The following DARS1 variants were observed in gnomAD, a reference collection of about 807,000 sequenced individuals.
The protein encoded by DARS1 is aspartyl-tRNA synthetase 1.
Under a neutral mutation model 68.8 loss-of-function variants are expected in DARS1, and 51 were observed. The ratio of observed to expected loss-of-function variants is 0.74; its 90% CI spans 0.59 to 0.94. The LOEUF (loss-of-function observed/expected upper bound fraction) is 0.94, where lower values mean the gene tolerates loss of function less well. Among genes scored for constraint, DARS1 ranks in the 40% least tolerant of loss-of-function variants. The pLI, the probability that DARS1 is intolerant of heterozygous loss-of-function variation, is 0.00. For synonymous variants in DARS1, 203 were observed against 190.4 expected (o/e 1.07, Z -0.55); for missense variants, 607 against 597.3 (o/e 1.02, Z -0.17).
intron 7 of DARS1, among the ~76,000 whole-genome samples, chr2:135,932,264 ACT>A (rs1226497438): frequency 6.6e-6 from 1 of 152,142 alleles, no homozygotes; most frequent in East Asian, 1.9e-4. Context: ...AAACCACTAA[ACT>A]CTCTTTCACT....
intron 7 of DARS1, among the ~76,000 whole-genome samples, chr2:135,925,468 AG>A (rs969778022): frequency 6.6e-6 from 1 of 152,218 alleles, no homozygotes; most frequent in African/African-American, 2.4e-5. Context: ...TTTACACAGT[AG>A]TACCCTGTGA....
intron 11 of DARS1, 114 bp downstream of exon 11, chr2:135,916,112 C>T (rs186601556): frequency 1.5e-4 from 73 of 491,184 alleles, no homozygotes; most frequent in African/African-American, 1.2e-3. Context: ...ACTTGGAGGA[C>T]GGGTCAATAG....
chr2:135,946,612 CCT>C (rs1681728900), intron 4 of DARS1, among the ~76,000 whole-genome samples: 1 of 151,944 alleles, frequency 6.6e-6, no homozygotes, highest in Non-Finnish European at 1.5e-5. Context: ...AATCATAAAC[CCT>C]GAGAAATGGC....
intron 15 of DARS1, 49 bp downstream of exon 15, chr2:135,911,087 GTAT>G (rs1680886091): frequency 1.3e-6 from 1 of 797,828 alleles, no homozygotes; most frequent in Non-Finnish European, 2.1e-6. Context: ...ATTCAAATTT[GTAT>G]TATACTTAGA....
At chr2:135,975,559 C>T (rs1352736129) in intron 3 of DARS1, among the ~76,000 whole-genome samples, 10 of 151,720 alleles carry the variant, frequency 6.6e-5, no homozygotes, top group Middle Eastern at 3.2e-3. Flanking sequence ...TTTGGGAGGT[C>T]GAGGTAGGCA....
intron 5 of DARS1, among the ~76,000 whole-genome samples, chr2:135,939,323 T>A (rs567560483): frequency 6.6e-6 from 1 of 152,310 alleles, no homozygotes; most frequent in African/African-American, 2.4e-5. Flanking sequence ...CAGACCACAC[T>A]GCAATCAAAC....
chr2:135,982,947 G>A (rs1682670152), intron 2 of DARS1, among the ~76,000 whole-genome samples: 1 of 152,122 alleles, frequency 6.6e-6, no homozygotes, highest in Admixed American at 6.5e-5. Context: ...AAATGTTTGG[G>A]AAGAGTCAAG....
At position 135,911,519 on chromosome 2, in the gene DARS1, C is replaced by T. The variant is rs374937936; in HGVS notation, c.1231-26G>A. 1.9e-5 allele frequency: 16 copies of T among 831,934 alleles called. No individual in the cohort carries two copies. The African/African-American group carries it at 2.7e-4, about 14-fold the overall frequency. The allele number at this position is 831,934 out of a possible 1,614,324, so 51.5% of individuals were successfully genotyped here. A position where few individuals can be genotyped will look rare whatever the true frequency, so the allele number is the denominator to read the frequency against. On this transcript the variant is annotated intron_variant, in intron 13 of 15. Transcript: ENST00000264161. Reference sequence around the variant, plus strand: ...CTGCAAGAGAAAAAACACCAGTCCTCAAGTGACTACCATCCTATTTCTATT... The same window carrying T: ...CTGCAAGAGAAAAAACACCAGTCCTTAAGTGACTACCATCCTATTTCTATT...
chr2:135,953,281 G>A lies in DARS1; in HGVS notation c.320+8115C>T, dbSNP rs552949369. Among the ~76,000 whole-genome samples the A allele has an allele frequency of 7.2e-4, 110 of 152,304 alleles. 3 individuals are homozygous for A. The highest frequency in any genetic ancestry group is 2.2e-3 in the African/African-American group (93 of 41,560). On this transcript the variant is annotated intron_variant, in intron 4 of 15. Coordinates refer to ENST00000264161, the MANE Select transcript of DARS1 (RefSeq NM_001349.4). ...AGTTGGTACAAGTGTCTAACAAAGC[G>A]CCTGCAATTAGATGTGTTAAGGAAC... is the stretch of plus-strand genomic sequence containing the variant.
intron 7 of DARS1, among the ~76,000 whole-genome samples, chr2:135,929,908 G>A (rs1681306101): frequency 6.6e-6 from 1 of 152,144 alleles, no homozygotes; most frequent in Admixed American, 6.5e-5. Context: ...GCTACTTTAA[G>A]CTCATCAAGA....
intron 4 of DARS1, among the ~76,000 whole-genome samples, chr2:135,954,411 A>G (rs980524193): frequency 6.6e-6 from 1 of 151,688 alleles, no homozygotes; most frequent in Non-Finnish European, 1.5e-5. Flanking sequence ...CAGTATTTAC[A>G]CCTCATGGGG....
intron 4 of DARS1, among the ~76,000 whole-genome samples, chr2:135,960,877 A>T (rs1002515151): frequency 6.6e-6 from 1 of 152,224 alleles, no homozygotes; most frequent in Non-Finnish European, 1.5e-5. Flanking sequence ...AGGAGGAAAA[A>T]GCAAGTTTTA....
intron 8 of DARS1, 26 bp from the exon 9 acceptor site, chr2:135,922,944 A>G: frequency 1.3e-6 from 2 of 1,483,620 alleles, no homozygotes; most frequent in Non-Finnish European, 1.8e-6. Flanking sequence ...TTATATTTAT[A>G]TTATTATAAT....
chr2:135,951,657 A>C lies in DARS1; in HGVS notation c.321-8177T>G, dbSNP rs117448010. Among the ~76,000 whole-genome samples, 91 of 152,316 alleles carry C rather than the reference A, an allele frequency of 6.0e-4. No individual in the cohort carries two copies. In the East Asian group the frequency reaches 0.015, roughly 26 times the overall value. The stretch of plus-strand genomic sequence containing the variant: ...GAACACTCGGTCAATGCAGACAACA[A>C]CACTTGGGTGCACTCGGCCATGCAG... On this transcript the variant is annotated intron_variant, in intron 4 of 15. Coordinates refer to ENST00000264161, the MANE Select transcript of DARS1 (RefSeq NM_001349.4).
intron 7 of DARS1, among the ~76,000 whole-genome samples, chr2:135,927,025 AT>A (rs1681233381): frequency 2.0e-5 from 3 of 152,188 alleles, no homozygotes; most frequent in Admixed American, 6.5e-5. Flanking sequence ...TGGTAATGGT[AT>A]TTTTTCTTCT....
At position 135,983,340 on chromosome 2, in the gene DARS1, A is replaced by T; in HGVS notation, c.124+57T>A. ...CAACCTTACTTAAAATTTCATTTAG[A>T]GCTTTCCTGGAATTAGAAAGCAAAA... On this transcript the variant is annotated intron_variant, in intron 2 of 15. Coordinates refer to ENST00000264161, the MANE Select transcript of DARS1 (RefSeq NM_001349.4). 3 of 786,110 alleles carry T rather than the reference A, an allele frequency of 3.8e-6. 1 individual carries two copies. The highest frequency in any genetic ancestry group is 2.2e-6 in the Non-Finnish European group (1 of 459,452). The allele number at this position is 786,110 out of a possible 1,614,324, so 48.7% of individuals were successfully genotyped here.
At chr2:135,950,658 GA>G (rs1272560326) in intron 4 of DARS1, among the ~76,000 whole-genome samples, 3 of 152,126 alleles carry the variant, frequency 2.0e-5, no homozygotes, top group Admixed American at 1.3e-4. Context: ...ATTATACTTA[GA>G]AACTAAGAGA....
intron 4 of DARS1, among the ~76,000 whole-genome samples, chr2:135,946,606 A>G (rs1171752712): frequency 1.3e-5 from 2 of 152,218 alleles, no homozygotes; most frequent in Non-Finnish European, 2.9e-5. Context: ...AACAAGAATC[A>G]TAAACCCTGA....
intron 5 of DARS1, among the ~76,000 whole-genome samples, chr2:135,939,203 T>C (rs1351316487): frequency 6.6e-6 from 1 of 152,158 alleles, no homozygotes; most frequent in African/African-American, 2.4e-5. Flanking sequence ...CAACAGAATA[T>C]ACATTCTTCT....
Sources: gnomAD v4.1 joint callset for allele counts (sites outside exome capture counted in the v4.1 genomes callset) on GRCh38, gnomAD v4.1.1 for gene constraint, MANE v1.5 for transcripts, NCBI Gene and HGNC (gene_info 2026-07-23, HGNC 2026-07-21) for gene names.